The following AKAP13 variants were observed in gnomAD, a reference collection of about 807,000 sequenced individuals.
AKAP13 encodes A-kinase anchoring protein 13.
A neutral mutation model predicts 264.5 loss-of-function variants in AKAP13; 80 were observed. The ratio of observed to expected loss-of-function variants is 0.30; its 90% CI spans 0.25 to 0.36. AKAP13 has a LOEUF of 0.36. Ranked by LOEUF, AKAP13 falls within the 10% of genes least tolerant of loss-of-function variation. The pLI is 1.00. For synonymous variants in AKAP13, 1,380 were observed against 1,250.2 expected (o/e 1.10, Z -2.19); for missense variants, 3,712 against 3,435.2 (o/e 1.08, Z -2.01).
chr15:85,651,580 CG>C (rs1258820739), intron 10 of AKAP13: 1 of 152,184 alleles, frequency 6.6e-6, no homozygotes, highest in Non-Finnish European at 1.5e-5. Flanking sequence ...CCATGCTAAT[CG>C]TCTGTGCATT....
chr15:85,655,810 T>A, intron 11 of AKAP13, 23 bp downstream of exon 11: 1 of 1,589,826 alleles, frequency 6.3e-7, no homozygotes, highest in Non-Finnish European at 8.6e-7. Context: ...GCGGTTTGTT[T>A]AGTGTCTCAG....
At chr15:85,464,095 A>T (rs1464927248) in intron 1 of AKAP13, among the ~76,000 whole-genome samples, 2 of 152,080 alleles carry the variant, frequency 1.3e-5, no homozygotes. Flanking sequence ...TCCCTTTCCC[A>T]CACGGCGTCT....
chr15:85,396,952 C>T (rs1330282877), intron 1 of AKAP13, among the ~76,000 whole-genome samples: 1 of 142,270 alleles, frequency 7.0e-6, no homozygotes, highest in African/African-American at 2.6e-5. Flanking sequence ...AGTACCAGCA[C>T]AGGAATGCTA....
intron 1 of AKAP13, among the ~76,000 whole-genome samples, chr15:85,391,826 C>T (rs1395087769): frequency 6.6e-6 from 1 of 151,744 alleles, no homozygotes; most frequent in Non-Finnish European, 1.5e-5. Context: ...GCTTTGTCAC[C>T]CAGGCTGGAG....
chr15:85,443,691 G>A (rs1313970016), intron 1 of AKAP13, among the ~76,000 whole-genome samples: 1 of 151,874 alleles, frequency 6.6e-6, no homozygotes, highest in African/African-American at 2.4e-5. Flanking sequence ...GTGGTTGACT[G>A]GAAAGTCATT....
chr15:85,486,897 C>T (rs2075569407), intron 2 of AKAP13, among the ~76,000 whole-genome samples: 1 of 151,924 alleles, frequency 6.6e-6, no homozygotes, highest in Non-Finnish European at 1.5e-5. Context: ...TGCCACCACT[C>T]CTGGCTAATT....
At chr15:85,458,687 T>TA (rs2074385322) in intron 1 of AKAP13, among the ~76,000 whole-genome samples, 1 of 152,204 alleles carries the variant, frequency 6.6e-6, no homozygotes, top group Admixed American at 6.5e-5. Context: ...TGGCAGTTTT[T>TA]ACAACTGAAG....
At chr15:85,566,620 A>G (rs2078613533) in intron 5 of AKAP13, among the ~76,000 whole-genome samples, 1 of 147,006 alleles carries the variant, frequency 6.8e-6, no homozygotes, top group South Asian at 2.1e-4. Flanking sequence ...AAAAGAAAAT[A>G]ACTTACTTTT....
At chr15:85,500,554 C>G (rs905544904) in intron 2 of AKAP13, among the ~76,000 whole-genome samples, 1 of 152,130 alleles carries the variant, frequency 6.6e-6, no homozygotes, top group African/African-American at 2.4e-5. Context: ...ACATTGGGAA[C>G]ATTTATTTAT....
At chr15:85,620,242 A>T in intron 8 of AKAP13, 1 of 1,435,684 alleles carries the variant, frequency 7.0e-7, no homozygotes, top group Non-Finnish European at 9.5e-7. Context: ...CCCGGTAGCC[A>T]TGTCCCTGGC....
intron 2 of AKAP13, among the ~76,000 whole-genome samples, chr15:85,505,311 A>G (rs550872899): frequency 6.6e-6 from 1 of 152,344 alleles, no homozygotes; most frequent in Admixed American, 6.5e-5. Context: ...GTGCCTGGAC[A>G]TCTTTAAGAA....
At chr15:85,531,160 T>A (rs769819107) in intron 3 of AKAP13, among the ~76,000 whole-genome samples, 1 of 152,186 alleles carries the variant, frequency 6.6e-6, no homozygotes, top group Non-Finnish European at 1.5e-5. Context: ...GCGCCTGGCC[T>A]AAGTCCTTCT....
intron 1 of AKAP13, among the ~76,000 whole-genome samples, chr15:85,442,518 ATT>A (rs1491326646): frequency 1.8e-5 from 2 of 110,360 alleles, no homozygotes; most frequent in African/African-American, 3.3e-5. Context: ...TATAATATAT[ATT>A]ATATTATATA....
In AKAP13 at chr15:85,718,899, A is replaced by C; in HGVS notation, c.6002-177A>C. ...GGGTGACAGAGCCAGAACCTGTCTT[A>C]AAAAAAAAACAAAAAAACAAAAAAA... On this transcript the variant is annotated intron_variant, in intron 22 of 36. Transcript: ENST00000394518. This position sits in a 1 kb window ranked among gnomAD's most constrained non-coding sequence, Gnocchi z 4.9. 1 of 564,568 alleles carries C rather than the reference A, an allele frequency of 1.8e-6. No individual in the cohort carries two copies. The highest frequency in any genetic ancestry group is 5.5e-5 in the East Asian group (1 of 18,200). 35.0% of individuals were successfully genotyped at this position (564,568 alleles called of 1,614,324 possible).
intron 17 of AKAP13, among the ~76,000 whole-genome samples, chr15:85,698,863 G>A (rs1489944334): frequency 1.4e-5 from 2 of 142,946 alleles, no homozygotes; most frequent in East Asian, 4.1e-4. Context: ...AGAATCACTC[G>A]AACCCAGGAG....
intron 8 of AKAP13, among the ~76,000 whole-genome samples, chr15:85,635,382 A>G (rs1467470462): frequency 2.6e-5 from 4 of 152,106 alleles, no homozygotes; most frequent in African/African-American, 4.8e-5. Context: ...TGTTTATTCA[A>G]ATCTTTTACC....
At chr15:85,541,775 G>T (rs1265544731) in intron 4 of AKAP13, among the ~76,000 whole-genome samples, 1 of 152,210 alleles carries the variant, frequency 6.6e-6, no homozygotes, top group Admixed American at 6.5e-5. Flanking sequence ...CCAGTGCATG[G>T]TGCATAGCAC....
intron 5 of AKAP13, among the ~76,000 whole-genome samples, chr15:85,553,278 G>T (rs184110458): frequency 1.3e-5 from 2 of 151,988 alleles, no homozygotes; most frequent in Non-Finnish European, 1.5e-5. Flanking sequence ...AGTAGAAACA[G>T]GGTTTCACCA....
chr15:85,569,451 C>CTTT lies in AKAP13; in HGVS notation c.663-5664_663-5662dup, dbSNP rs71468120. 1.8e-3 allele frequency among the ~76,000 whole-genome samples: 221 copies of CTTT among 121,790 alleles called. 4 individuals are homozygous for CTTT. Among genetic ancestry groups the CTTT allele is most frequent in the Middle Eastern group, 4.8e-3 (1 of 208 alleles). 79.9% of individuals were successfully genotyped at this position (121,790 alleles called of 152,430 possible). A position where few individuals can be genotyped will look rare whatever the true frequency, so the allele number is the denominator to read the frequency against. The stretch of plus-strand genomic sequence containing the variant: ...TCAGATCAACATATTTTTTTCTTTT[C>CTTT]TTTTTTTTTTTTTTTTTTGAGACAG... On this transcript the variant is annotated intron_variant, in intron 5 of 36. Coordinates refer to ENST00000394518, the MANE Select transcript of AKAP13 (RefSeq NM_007200.5).
Sources: gnomAD v4.1 joint callset for allele counts (sites outside exome capture counted in the v4.1 genomes callset) on GRCh38, gnomAD v4.1.1 for gene constraint, Gnocchi (gnomAD v3.1) non-coding constraint, MANE v1.5 for transcripts, NCBI Gene and HGNC (gene_info 2026-07-23, HGNC 2026-07-21) for gene names.